KCNQ3: variants seen among roughly 807,000 people sequenced by gnomAD.
KCNQ3 encodes potassium voltage-gated channel subfamily KQT member 3.
A neutral mutation model predicts 92.5 loss-of-function variants in KCNQ3; 30 were observed. The observed-to-expected ratio is 0.32, with a 90% CI of 0.24 to 0.44. KCNQ3 has a LOEUF of 0.44. Ranked by LOEUF, KCNQ3 falls within the 20% of genes least tolerant of loss-of-function variation. KCNQ3 has a pLI of 1.00. For missense variants in KCNQ3, 913 were observed against 1,140.3 expected (o/e 0.80, Z 2.87); for synonymous variants, 450 against 468.8 (o/e 0.96, Z 0.52).
chr8:132,405,167 C>A (rs1820443097), intron 1 of KCNQ3, among the ~76,000 whole-genome samples: 1 of 152,194 alleles, frequency 6.6e-6, no homozygotes, highest in South Asian at 2.1e-4. Flanking sequence ...TGCCACTGGG[C>A]AAGATTTCAA....
rs1824680387 is a variant in KCNQ3, at chr8:132,126,668, T to G, written c.*2594A>C. On this transcript the variant is annotated 3_prime_UTR_variant, in exon 15 of 15. Transcript: ENST00000388996. The stretch of plus-strand genomic sequence containing the variant: ...TCAATACTTCCCTACTACTGATCAA[T>G]ACAAACCCAATCTCTGCTGTCCTGG... The G allele has an allele frequency of 6.6e-6, 1 of 152,068 alleles. No individual in the cohort carries two copies. Among genetic ancestry groups the G allele is most frequent in the Admixed American group, 6.6e-5 (1 of 15,258 alleles). 9.4% of individuals were successfully genotyped at this position (152,068 alleles called of 1,614,324 possible).
chr8:132,363,068 G>A (rs545590690), intron 1 of KCNQ3, among the ~76,000 whole-genome samples: 6 of 152,124 alleles, frequency 3.9e-5, no homozygotes, highest in African/African-American at 1.4e-4. Context: ...CAACAAGACA[G>A]ACAAAGTCAC....
intron 1 of KCNQ3, among the ~76,000 whole-genome samples, chr8:132,377,690 A>G (rs1456695127): frequency 6.6e-6 from 1 of 152,202 alleles, no homozygotes; most frequent in Non-Finnish European, 1.5e-5. Flanking sequence ...TGATAGGTAA[A>G]TAGTGGGTGC....
intron 9 of KCNQ3, among the ~76,000 whole-genome samples, chr8:132,154,200 T>TTTTTTTTTTTTTTTTTTTTTG (rs1825730999): frequency 1.4e-5 from 1 of 69,420 alleles, no homozygotes; most frequent in Non-Finnish European, 2.7e-5. Context: ...AAAGTTTTTT[T>TTTTTTTTTTTTTTTTTTTTTG]TTTTTTTTTT....
At chr8:132,403,980 C>G (rs1336026835) in intron 1 of KCNQ3, among the ~76,000 whole-genome samples, 1 of 152,222 alleles carries the variant, frequency 6.6e-6, no homozygotes, top group African/African-American at 2.4e-5. Flanking sequence ...CAGGGCTCAT[C>G]CTGAATCACT....
At chr8:132,318,125 G>A (rs540558577) in intron 1 of KCNQ3, among the ~76,000 whole-genome samples, 1 of 152,350 alleles carries the variant, frequency 6.6e-6, no homozygotes, top group East Asian at 1.9e-4. Context: ...GTCACATTCT[G>A]AGGCCAGTAG....
chr8:132,245,198 A>G (rs1312727995), intron 1 of KCNQ3, among the ~76,000 whole-genome samples: 1 of 152,156 alleles, frequency 6.6e-6, no homozygotes, highest in Non-Finnish European at 1.5e-5. Context: ...GAGAAATACT[A>G]TCATACTTGC....
intron 1 of KCNQ3, among the ~76,000 whole-genome samples, chr8:132,409,626 A>G (rs1355985269): frequency 1.3e-5 from 2 of 152,100 alleles, no homozygotes; most frequent in Non-Finnish European, 2.9e-5. Flanking sequence ...TTCACAACCT[A>G]ATGTCTGACA....
chr8:132,177,608 G>T (rs1826608023), intron 4 of KCNQ3, among the ~76,000 whole-genome samples: 1 of 152,174 alleles, frequency 6.6e-6, no homozygotes, highest in Admixed American at 6.5e-5. Context: ...TTTTGTGCTG[G>T]GTGGTGGGAG....
chr8:132,444,190 T>TG (rs928043494), intron 1 of KCNQ3, among the ~76,000 whole-genome samples: 5 of 152,088 alleles, frequency 3.3e-5, no homozygotes, highest in South Asian at 4.2e-4. Context: ...AGGACGTGGG[T>TG]GGGTTGCTGA....
At chr8:132,302,161 G>T (rs182105599) in intron 1 of KCNQ3, among the ~76,000 whole-genome samples, 15 of 152,296 alleles carry the variant, frequency 9.8e-5, no homozygotes, top group African/African-American at 3.1e-4. Flanking sequence ...TGGCAAGTGG[G>T]TCACAGTGGC....
At chr8:132,149,475 C>T (rs991979709) in intron 9 of KCNQ3, among the ~76,000 whole-genome samples, 4 of 152,288 alleles carry the variant, frequency 2.6e-5, no homozygotes, top group East Asian at 1.9e-4. Flanking sequence ...GACAAGAACC[C>T]GGTTTCTTCC....
chr8:132,407,323 A>G (rs1820518291), intron 1 of KCNQ3, among the ~76,000 whole-genome samples: 1 of 152,204 alleles, frequency 6.6e-6, no homozygotes, highest in Non-Finnish European at 1.5e-5. Context: ...TCAGGCTCTG[A>G]GACCATCTCT....
chr8:132,204,730 G>A (rs564722852), intron 1 of KCNQ3, among the ~76,000 whole-genome samples: 1 of 152,314 alleles, frequency 6.6e-6, no homozygotes, highest in South Asian at 2.1e-4. Context: ...TGGTCACGTT[G>A]CCTCATCTCT....
At chr8:132,358,669 T>A (rs969475120) in intron 1 of KCNQ3, among the ~76,000 whole-genome samples, 8 of 126,308 alleles carry the variant, frequency 6.3e-5, no homozygotes, top group Admixed American at 3.0e-4. Flanking sequence ...GAATGGATGG[T>A]CCCCAGCACT....
At chr8:132,363,474 C>A (rs1029344438) in intron 1 of KCNQ3, among the ~76,000 whole-genome samples, 2 of 152,008 alleles carry the variant, frequency 1.3e-5, no homozygotes, top group Non-Finnish European at 2.9e-5. Flanking sequence ...GAGAGGGTGT[C>A]AAAAGTGGGC....
chr8:132,286,459 G>T (rs1240508791), intron 1 of KCNQ3, among the ~76,000 whole-genome samples: 1 of 152,178 alleles, frequency 6.6e-6, no homozygotes, highest in African/African-American at 2.4e-5. Context: ...TGTTCCTTTG[G>T]AGTGAGAATG....
intron 1 of KCNQ3, among the ~76,000 whole-genome samples, chr8:132,472,491 T>G (rs1309016421): frequency 6.6e-6 from 1 of 152,146 alleles, no homozygotes; most frequent in South Asian, 2.1e-4. Context: ...TTATGTTAAA[T>G]GAAATAACCC....
intron 1 of KCNQ3, among the ~76,000 whole-genome samples, chr8:132,347,977 TAAA>T (rs5895138): frequency 1.0e-4 from 8 of 78,102 alleles, no homozygotes; most frequent in Admixed American, 1.6e-4. Context: ...AGACTCCATC[TAAA>T]AAAAAAAAAA....
Sources: allele counts gnomAD v4.1 joint callset (sites outside exome capture counted in the v4.1 genomes callset), GRCh38; gene constraint gnomAD v4.1.1; transcripts MANE v1.5; gene names NCBI Gene and HGNC (gene_info 2026-07-23, HGNC 2026-07-21).